Variants in FOXN3 observed in about 807,000 individuals in gnomAD.
FOXN3 encodes the protein forkhead box N3, also known as forkhead box protein N3.
In FOXN3, 7 loss-of-function variants were observed where a neutral mutation model predicts 38.4. That is an observed-to-expected ratio of 0.18 (90% CI 0.10 to 0.34). FOXN3 has a LOEUF of 0.34. Among genes scored for constraint, FOXN3 ranks in the 10% least tolerant of loss-of-function variants. The probability of loss-of-function intolerance (pLI) is 1.00; values close to 1 mark genes in which losing one functional copy is unlikely to be tolerated. For synonymous variants in FOXN3, 230 were observed against 242.2 expected (o/e 0.95, Z 0.47); for missense variants, 456 against 613.4 (o/e 0.74, Z 2.71).
At chr14:89,502,097 GGCAGAGGTT>G (rs1251175278) in intron 1 of FOXN3, among the ~76,000 whole-genome samples, 2 of 152,202 alleles carry the variant, frequency 1.3e-5, no homozygotes, top group African/African-American at 4.8e-5. Flanking sequence ...GAACCCGGGA[GGCAGAGGTT>G]GCAGTGAGCC....
rs368551661 is a variant in FOXN3, at chr14:89,564,762, C to CGGAATAG, written c.-15+54265_-15+54266insCTATTCC. 1.0e-2 allele frequency among the ~76,000 whole-genome samples: 1,516 copies of CGGAATAG among 152,108 alleles called. 26 individuals carry two copies. Among genetic ancestry groups the CGGAATAG allele is most frequent in the African/African-American group, 0.035 (1,456 of 41,492 alleles). On this transcript the variant is annotated intron_variant, in intron 1 of 6. Transcript: ENST00000345097. The stretch of plus-strand genomic sequence containing the variant: ...GCAATTAGTTAAGATGAGGTCATCC[C>CGGAATAG]GGAATAAGGTGGGCCCTAAATCCAA...
In FOXN3 at chr14:89,515,119, C is replaced by T. The variant is rs564807287; in HGVS notation, c.-14-102629G>A. Among the ~76,000 whole-genome samples, 16 of 151,868 alleles carry T rather than the reference C, an allele frequency of 1.1e-4. No homozygotes were observed. In the South Asian group the frequency reaches 1.7e-3, roughly 16 times the overall value. On this transcript the variant is annotated intron_variant, in intron 1 of 6. Coordinates refer to the FOXN3 transcript ENST00000345097. ...TGTATTTTTAGTAGAGATGGGGTTC[C>T]ACCATGTTAGCCAGGCTGGTTTCAA...
At chr14:89,549,893 G>C (rs1894965699) in intron 1 of FOXN3, among the ~76,000 whole-genome samples, 1 of 152,184 alleles carries the variant, frequency 6.6e-6, no homozygotes, top group Non-Finnish European at 1.5e-5. Flanking sequence ...GCAAGGATGG[G>C]AGTTTCAGAC....
chr14:89,228,055 C>T (rs1000894489), intron 4 of FOXN3, among the ~76,000 whole-genome samples: 14 of 152,316 alleles, frequency 9.2e-5, no homozygotes, highest in African/African-American at 3.4e-4. Flanking sequence ...GACTGTTACT[C>T]ACTGGTGGCA....
chr14:89,450,576 C>T (rs1892595275), intron 1 of FOXN3, among the ~76,000 whole-genome samples: 1 of 146,164 alleles, frequency 6.8e-6, no homozygotes, highest in African/African-American at 2.6e-5. Context: ...ATAACATTCT[C>T]GACTTCATCT....
intron 2 of FOXN3, among the ~76,000 whole-genome samples, chr14:89,360,563 G>GAAGA (rs1555421070): frequency 7.1e-6 from 1 of 139,914 alleles, no homozygotes; most frequent in Non-Finnish European, 1.5e-5. Flanking sequence ...AAGGAGGTGA[G>GAAGA]GAGAGAGAGA....
intron 4 of FOXN3, among the ~76,000 whole-genome samples, chr14:89,242,360 C>T (rs1224384931): frequency 6.6e-6 from 1 of 151,978 alleles, no homozygotes; most frequent in African/African-American, 2.4e-5. Flanking sequence ...CTTTCTGTTA[C>T]TTGCAACCAA....
intron 1 of FOXN3, among the ~76,000 whole-genome samples, chr14:89,545,050 T>C (rs182329123): frequency 2.2e-4 from 34 of 152,342 alleles, no homozygotes; most frequent in African/African-American, 7.7e-4. Flanking sequence ...CTCCCAGAGA[T>C]ACTGAACAAG....
upstream of FOXN3, among the ~76,000 whole-genome samples, chr14:89,420,140 T>C (rs1421778325): frequency 1.3e-5 from 2 of 152,236 alleles, no homozygotes; most frequent in Non-Finnish European, 2.9e-5. Context: ...CTCTGCTCAA[T>C]GATAACCACA....
chr14:89,267,728 A>C (rs1886026201), intron 4 of FOXN3, among the ~76,000 whole-genome samples: 1 of 152,238 alleles, frequency 6.6e-6, no homozygotes, highest in South Asian at 2.1e-4. Context: ...GTTCACAATG[A>C]ATCTAAAATG....
chr14:89,295,471 C>T (rs1887005704), intron 3 of FOXN3, among the ~76,000 whole-genome samples: 1 of 152,216 alleles, frequency 6.6e-6, no homozygotes, highest in Admixed American at 6.5e-5. Context: ...AGAACCTGGC[C>T]AGGTTCACAG....
intron 4 of FOXN3, among the ~76,000 whole-genome samples, chr14:89,261,700 C>T (rs954190207): frequency 1.4e-4 from 21 of 151,998 alleles, no homozygotes; most frequent in Admixed American, 5.2e-4. Context: ...GAGGCTGAGG[C>T]GGGCGGATCA....
intron 1 of FOXN3, among the ~76,000 whole-genome samples, chr14:89,415,280 G>A (rs936403117): frequency 1.3e-5 from 2 of 152,178 alleles, no homozygotes; most frequent in Non-Finnish European, 2.9e-5. Context: ...TTGCACTGTT[G>A]CTATGACAAC....
chr14:89,327,830 A>T (rs1488157302), intron 3 of FOXN3, among the ~76,000 whole-genome samples: 1 of 152,234 alleles, frequency 6.6e-6, no homozygotes, highest in African/African-American at 2.4e-5. Flanking sequence ...AGCAGAGGCT[A>T]CCAGAATCAG....
chr14:89,323,455 T>TCACGCCTGTAATCCCAG (rs1474305195), intron 3 of FOXN3, among the ~76,000 whole-genome samples: 1 of 151,846 alleles, frequency 6.6e-6, no homozygotes, highest in Non-Finnish European at 1.5e-5. Context: ...GCACAGTGGT[T>TCACGCCTGTAATCCCAG]CACGCCTGTA....
chr14:89,535,737 T>C (rs927352497), intron 1 of FOXN3, among the ~76,000 whole-genome samples: 3 of 152,204 alleles, frequency 2.0e-5, no homozygotes, highest in Non-Finnish European at 4.4e-5. Context: ...GCCTACCCCA[T>C]TCAAGATCTT....
chr14:89,417,382 GCCCGCGCCCCT>G (rs1389885270), upstream of FOXN3: 1 of 147,326 alleles, frequency 6.8e-6, no homozygotes, highest in Non-Finnish European at 1.5e-5. Context: ...GGCGGACCCT[GCCCGCGCCCCT>G]CGCGCGCCCC....
At chr14:89,501,554 C>T (rs1893800288) in intron 1 of FOXN3, among the ~76,000 whole-genome samples, 1 of 152,132 alleles carries the variant, frequency 6.6e-6, no homozygotes, top group South Asian at 2.1e-4. Context: ...CTTGCTCCTT[C>T]ATTTTAAAGG....
rs147463118 is a variant in FOXN3 at position 89,603,599 on chromosome 14, T to C, written c.-15+15429A>G. On this transcript the variant is annotated intron_variant, in intron 1 of 6. Transcript: ENST00000345097. The stretch of plus-strand genomic sequence containing the variant: ...GAAGGAACACAAAGAGAAAGCAGGA[T>C]GTAAGTTTCTTTTCTGGTAGTAATG... Among the ~76,000 whole-genome samples, 54 of 152,340 alleles carry C rather than the reference T, an allele frequency of 3.5e-4. No homozygotes were observed. The Middle Eastern group carries it at 0.014, about 38-fold the overall frequency.
Sources: allele counts gnomAD v4.1 joint callset (sites outside exome capture counted in the v4.1 genomes callset), GRCh38; gene constraint gnomAD v4.1.1; transcripts MANE v1.5; gene names NCBI Gene and HGNC (gene_info 2026-07-23, HGNC 2026-07-21).